The following NRG1 variants were observed in gnomAD, a reference collection of about 807,000 sequenced individuals.
NRG1 encodes pro-neuregulin-1, membrane-bound isoform.
NRG1 carries 18 observed loss-of-function variants against 63.8 expected under a neutral mutation model. The ratio of observed to expected loss-of-function variants is 0.28; its 90% CI spans 0.19 to 0.42. The LOEUF (loss-of-function observed/expected upper bound fraction) is 0.42. Among genes scored for constraint, NRG1 ranks in the 10% least tolerant of loss-of-function variants. The pLI is 1.00. For synonymous variants in NRG1, 302 were observed against 301.3 expected, an observed-to-expected ratio of 1.00 and a Z score of -0.02; for missense variants, 762 against 814.7, an observed-to-expected ratio of 0.94 and a Z score of 0.79.
At chr8:31,997,731 C>G (rs1812246584) in intron 1 of NRG1, among the ~76,000 whole-genome samples, 1 of 151,978 alleles carries the variant, frequency 6.6e-6, no homozygotes, top group Non-Finnish European at 1.5e-5. Context: ...AACTAACTAG[C>G]AAGTGTCTTT....
At chr8:32,143,559 G>A (rs1836532604) in intron 1 of NRG1, among the ~76,000 whole-genome samples, 1 of 152,100 alleles carries the variant, frequency 6.6e-6, no homozygotes, top group Admixed American at 6.5e-5. Context: ...AAATTACAGT[G>A]ACATAAACTA....
intron 1 of NRG1, among the ~76,000 whole-genome samples, chr8:31,723,866 G>A (rs1435766906): frequency 6.6e-6 from 1 of 152,094 alleles, no homozygotes; most frequent in Non-Finnish European, 1.5e-5. Context: ...AAAGTTAAAT[G>A]GCTTCTAGAG....
At chr8:32,337,729 A>G (rs1470023505) in intron 1 of NRG1, among the ~76,000 whole-genome samples, 1 of 144,302 alleles carries the variant, frequency 6.9e-6, no homozygotes, top group Non-Finnish European at 1.5e-5. Flanking sequence ...AGAAAAACAC[A>G]TTGCTTCTTA....
At chr8:32,333,738 C>A (rs57526818) in intron 1 of NRG1, among the ~76,000 whole-genome samples, 14,503 of 152,134 alleles carry the variant, frequency 0.095, 948 homozygotes, top group African/African-American at 0.18. Context: ...CGTTATAAAA[C>A]CACCTATATT....
Position 32,013,353 on chromosome 8 carries a change from G to C in NRG1, c.37+373922G>C, listed in dbSNP as rs537710020. ...CAACCCTATACCCACTGGGTAAAGG[G>C]AGACAGAGCATCAAAGTGATCCCAG... is the stretch of plus-strand genomic sequence containing the variant. On this transcript the variant is annotated intron_variant, in intron 1 of 10. Coordinates refer to the NRG1 transcript ENST00000519301. 7.2e-5 allele frequency among the ~76,000 whole-genome samples: 11 copies of C among 152,224 alleles called. No individual in the cohort carries two copies. The East Asian group carries it at 2.1e-3, about 30-fold the overall frequency.
At chr8:31,963,459 C>G (rs1010257214) in intron 1 of NRG1, among the ~76,000 whole-genome samples, 46 of 152,130 alleles carry the variant, frequency 3.0e-4, no homozygotes, top group Admixed American at 2.0e-3. Context: ...ACATCAGTGC[C>G]TACGGGTATA....
At chr8:32,458,584 T>G (rs1056006390) in intron 1 of NRG1, among the ~76,000 whole-genome samples, 4 of 152,202 alleles carry the variant, frequency 2.6e-5, no homozygotes, top group African/African-American at 9.6e-5. Flanking sequence ...AGGTTTTGCT[T>G]TATGAATTTT....
intron 5 of NRG1, among the ~76,000 whole-genome samples, chr8:32,618,266 C>T (rs1442809247): frequency 1.3e-5 from 2 of 150,934 alleles, no homozygotes; most frequent in Non-Finnish European, 2.9e-5. Flanking sequence ...GGCATTTTGT[C>T]TGGAAATAAT....
rs80049675 is a variant in NRG1 at position 32,458,539 on chromosome 8, A to G, written c.38-137289A>G. Among the ~76,000 whole-genome samples the G allele has an allele frequency of 4.2e-3, 640 of 152,160 alleles. 5 individuals carry two copies. Among genetic ancestry groups the G allele is most frequent in the African/African-American group, 0.015 (623 of 41,498 alleles). On this transcript the variant is annotated intron_variant, in intron 1 of 10. Transcript: ENST00000519301. The stretch of plus-strand genomic sequence containing the variant: ...AAGAGAACTGAAGTCTACCACAACA[A>G]ATATATTTCTGCCATTTTTTCTTTT...
intron 1 of NRG1, among the ~76,000 whole-genome samples, chr8:32,324,223 G>A (rs996831664): frequency 2.0e-5 from 3 of 152,206 alleles, no homozygotes; most frequent in Admixed American, 6.5e-5. Flanking sequence ...GTGGTTTATG[G>A]ATGGGAAAAC....
intron 1 of NRG1, among the ~76,000 whole-genome samples, chr8:32,473,465 T>G (rs1226573007): frequency 6.6e-6 from 1 of 152,162 alleles, no homozygotes; most frequent in South Asian, 2.1e-4. Context: ...TCCAAAGTCA[T>G]AATCAGGGCT....
At chr8:31,725,547 G>A (rs1293627020) in intron 1 of NRG1, among the ~76,000 whole-genome samples, 1 of 152,082 alleles carries the variant, frequency 6.6e-6, no homozygotes, top group African/African-American at 2.4e-5. Context: ...TCTGGATCTT[G>A]GCACACAGAT....
chr8:31,991,456 A>G (rs1811080801), intron 1 of NRG1, among the ~76,000 whole-genome samples: 1 of 150,974 alleles, frequency 6.6e-6, no homozygotes, highest in Non-Finnish European at 1.5e-5. Flanking sequence ...GTGACCAGTT[A>G]GTGAGCACCT....
intron 1 of NRG1, among the ~76,000 whole-genome samples, chr8:31,767,050 A>G (rs1044200816): frequency 2.6e-5 from 4 of 152,290 alleles, no homozygotes; most frequent in Middle Eastern, 3.4e-3. Context: ...TTGTATCCTA[A>G]AGGGAGAAAG....
chr8:32,638,972 T>C (rs1248906157), intron 5 of NRG1, among the ~76,000 whole-genome samples: 1 of 152,118 alleles, frequency 6.6e-6, no homozygotes, highest in Non-Finnish European at 1.5e-5. Context: ...TATACTTTTA[T>C]TTCTTCTTTT....
intron 1 of NRG1, among the ~76,000 whole-genome samples, chr8:32,352,857 G>A (rs1805789285): frequency 6.6e-6 from 1 of 151,452 alleles, no homozygotes; most frequent in Admixed American, 6.6e-5. Flanking sequence ...CATCTTGGGT[G>A]ACAGAATGGG....
intron 6 of NRG1, among the ~76,000 whole-genome samples, chr8:32,731,957 G>T (rs1299709073): frequency 1.3e-5 from 2 of 152,180 alleles, no homozygotes; most frequent in Admixed American, 6.5e-5. Context: ...AGTCTCTCTG[G>T]TCACCTAATC....
chr8:32,003,574 G>A (rs1813285715), intron 1 of NRG1, among the ~76,000 whole-genome samples: 3 of 151,974 alleles, frequency 2.0e-5, no homozygotes, highest in African/African-American at 7.2e-5. Flanking sequence ...TAATGTTAAT[G>A]TCCATAAAAT....
intron 5 of NRG1, 84 bp from the exon 6 acceptor site, chr8:32,727,865 C>G (rs1822595630): frequency 7.2e-7 from 1 of 1,390,470 alleles, no homozygotes; most frequent in African/African-American, 1.4e-5. Flanking sequence ...TGAACTCTTC[C>G]TTTTAGGATA....
Sources: allele counts gnomAD v4.1 joint callset (sites outside exome capture counted in the v4.1 genomes callset), GRCh38; gene constraint gnomAD v4.1.1; transcripts MANE v1.5; gene names NCBI Gene and HGNC (gene_info 2026-07-23, HGNC 2026-07-21).